Variants in MDGA2 observed in about 807,000 individuals in gnomAD.
The protein encoded by MDGA2 is MAM domain-containing glycosylphosphatidylinositol anchor protein 2.
In MDGA2, 40 loss-of-function variants were observed where a neutral mutation model predicts 117.8. That is an observed-to-expected ratio of 0.34 (90% CI 0.26 to 0.44). MDGA2 has a LOEUF of 0.44. MDGA2 is among the 20% of genes least tolerant of loss of function. The probability of loss-of-function intolerance (pLI) is 1.00; values close to 1 mark genes in which losing one functional copy is unlikely to be tolerated. For synonymous variants in MDGA2, 452 were observed against 439.0 expected, an observed-to-expected ratio of 1.03 and a Z score of -0.37; for missense variants, 1,123 against 1,250.6, an observed-to-expected ratio of 0.90 and a Z score of 1.54.
chr14:47,376,914 A>T (rs938562311), intron 1 of MDGA2, among the ~76,000 whole-genome samples: 1 of 152,210 alleles, frequency 6.6e-6, no homozygotes, highest in South Asian at 2.1e-4. Context: ...AAAGATTGAC[A>T]TGCTATCTAC....
At chr14:47,174,204 CTTTA>C (rs1239859619) in intron 3 of MDGA2, among the ~76,000 whole-genome samples, 9 of 152,220 alleles carry the variant, frequency 5.9e-5, no homozygotes, top group African/African-American at 1.9e-4. Context: ...TAATGGGAGA[CTTTA>C]ACACCCCATT....
At chr14:46,962,049 A>G (rs1207185522) in intron 8 of MDGA2, among the ~76,000 whole-genome samples, 2 of 152,184 alleles carry the variant, frequency 1.3e-5, no homozygotes, top group African/African-American at 2.4e-5. Context: ...ATTTGATTCT[A>G]TGCTATTTGT....
intron 1 of MDGA2, among the ~76,000 whole-genome samples, chr14:47,611,906 C>T (rs1352711542): frequency 6.6e-6 from 1 of 152,144 alleles, no homozygotes; most frequent in Admixed American, 6.6e-5. Context: ...AGCAGAGTAA[C>T]TCACCTATGT....
intron 1 of MDGA2, among the ~76,000 whole-genome samples, chr14:47,663,182 A>T (rs1393954420): frequency 2.0e-5 from 3 of 152,240 alleles, no homozygotes; most frequent in South Asian, 2.1e-4. Flanking sequence ...ATACCAAGTT[A>T]GACTGACAAC....
At chr14:47,380,938 G>GGA (rs1334500402) in intron 1 of MDGA2, among the ~76,000 whole-genome samples, 1 of 152,138 alleles carries the variant, frequency 6.6e-6, no homozygotes. Flanking sequence ...TATCCCTGAT[G>GGA]AACACCGATG....
At chr14:47,243,307 A>G (rs1887126756) in intron 2 of MDGA2, among the ~76,000 whole-genome samples, 1 of 151,678 alleles carries the variant, frequency 6.6e-6, no homozygotes, top group Admixed American at 6.6e-5. Flanking sequence ...GCACCCTGAC[A>G]AAACAGCACA....
rs202206257 is a variant in MDGA2 at position 47,619,142 on chromosome 14, C to T, written c.280+55375G>A. 1.6e-4 allele frequency among the ~76,000 whole-genome samples: 21 copies of T among 133,288 alleles called. No individual in the cohort carries two copies. In the East Asian group the frequency reaches 5.2e-3, roughly 33 times the overall value. 87.4% of individuals were successfully genotyped at this position (133,288 alleles called of 152,430 possible). A position where few individuals can be genotyped will look rare whatever the true frequency, so the allele number is the denominator to read the frequency against. ...ACACACACACACACACACACACACACACACACACAGATACATTATCTACAA... is the reference window on the plus strand; with the variant it reads ...ACACACACACACACACACACACACATACACACACAGATACATTATCTACAA... On this transcript the variant is annotated intron_variant, in intron 1 of 16. Transcript: ENST00000399232.
At chr14:47,470,953 G>T (rs1014312285) in intron 1 of MDGA2, among the ~76,000 whole-genome samples, 1 of 152,114 alleles carries the variant, frequency 6.6e-6, no homozygotes, top group Non-Finnish European at 1.5e-5. Flanking sequence ...TGATTTACCA[G>T]AAACAGTGGA....
rs560896691 is a variant in MDGA2, at chr14:47,065,127, T to C, written c.1196-3549A>G. Reference sequence around the variant, plus strand: ...GGTACTTGTTTAGTCTGGCAGTGCATGTAAAAGATTGGCATCAAGCTGAAC... The same window carrying C: ...GGTACTTGTTTAGTCTGGCAGTGCACGTAAAAGATTGGCATCAAGCTGAAC... On this transcript the variant is annotated intron_variant, in intron 6 of 16. Transcript: ENST00000399232. Among the ~76,000 whole-genome samples, 88 of 152,272 alleles carry C rather than the reference T, an allele frequency of 5.8e-4. 1 individual carries two copies. The highest frequency in any genetic ancestry group is 5.1e-4 in the Non-Finnish European group (35 of 68,008).
chr14:47,493,729 T>C (rs980934452), intron 1 of MDGA2, among the ~76,000 whole-genome samples: 4 of 152,228 alleles, frequency 2.6e-5, no homozygotes, highest in Admixed American at 6.5e-5. Flanking sequence ...CTCCCATAGA[T>C]AATTAAGTAT....
At chr14:47,515,884 C>A (rs1335735360) in intron 1 of MDGA2, among the ~76,000 whole-genome samples, 2 of 152,082 alleles carry the variant, frequency 1.3e-5, no homozygotes, top group Non-Finnish European at 2.9e-5. Context: ...AGTACAGAAC[C>A]AATATCTACA....
At chr14:46,892,777 T>G (rs558018878) in intron 10 of MDGA2, among the ~76,000 whole-genome samples, 61 of 152,010 alleles carry the variant, frequency 4.0e-4, no homozygotes, top group Non-Finnish European at 7.5e-4. Flanking sequence ...CTAACCATCA[T>G]GAAAATGAAA....
intron 8 of MDGA2, among the ~76,000 whole-genome samples, chr14:46,989,071 T>C (rs1886978315): frequency 6.6e-6 from 1 of 152,108 alleles, no homozygotes. Context: ...GTACTTTACA[T>C]GAACAAAAAA....
chr14:46,981,345 A>G (rs1886665246), intron 8 of MDGA2, among the ~76,000 whole-genome samples: 1 of 152,126 alleles, frequency 6.6e-6, no homozygotes, highest in Non-Finnish European at 1.5e-5. Context: ...CAGAGGTTGC[A>G]GTGAGCAGAG....
intron 2 of MDGA2, among the ~76,000 whole-genome samples, chr14:47,286,386 TC>T (rs1323052674): frequency 6.6e-6 from 1 of 152,034 alleles, no homozygotes; most frequent in Non-Finnish European, 1.5e-5. Flanking sequence ...CCTTCCCTAT[TC>T]CCCTTCCCAC....
At chr14:46,957,775 C>G in intron 8 of MDGA2, 132 bp from the exon 9 acceptor site, 1 of 998,956 alleles carries the variant, frequency 1.0e-6, no homozygotes, top group Non-Finnish European at 1.4e-6. Flanking sequence ...GAATGAAGAA[C>G]ATATTTAAGC....
At chr14:47,076,086 G>T (rs1014510071) in intron 6 of MDGA2, among the ~76,000 whole-genome samples, 1 of 151,884 alleles carries the variant, frequency 6.6e-6, no homozygotes. Flanking sequence ...TATTTGTCAA[G>T]GAAATAAATT....
chr14:47,546,736 G>C (rs560747822), intron 1 of MDGA2, among the ~76,000 whole-genome samples: 82 of 152,102 alleles, frequency 5.4e-4, no homozygotes, highest in Non-Finnish European at 8.1e-4. Context: ...CCAGAAACAG[G>C]GGCTGAGTGT....
intron 1 of MDGA2, among the ~76,000 whole-genome samples, chr14:47,609,428 C>CATATATATATACATAT (rs1896800180): frequency 5.7e-5 from 1 of 17,558 alleles, no homozygotes; most frequent in Non-Finnish European, 1.4e-4. Context: ...AGTATTCCAT[C>CATATATATATACATAT]ATATATATAT....
Sources: allele counts gnomAD v4.1 joint callset (sites outside exome capture counted in the v4.1 genomes callset), GRCh38; gene constraint gnomAD v4.1.1; transcripts MANE v1.5; gene names NCBI Gene and HGNC (gene_info 2026-07-23, HGNC 2026-07-21).